Variants in COL4A1 observed in about 807,000 individuals in gnomAD.
The protein encoded by COL4A1 is collagen type IV alpha 1 chain, also known as collagen alpha-1(IV) chain.
A neutral mutation model predicts 216.6 loss-of-function variants in COL4A1; 40 were observed. The ratio of observed to expected loss-of-function variants is 0.18; its 90% CI spans 0.14 to 0.24. The LOEUF (loss-of-function observed/expected upper bound fraction) is 0.24. COL4A1 is among the 10% of genes least tolerant of loss of function. COL4A1 has a pLI of 1.00. For missense variants in COL4A1, 1,628 were observed against 2,196.8 expected (o/e 0.74, Z 5.18); for synonymous variants, 839 against 810.7 (o/e 1.03, Z -0.59).
intron 43 of COL4A1, among the ~76,000 whole-genome samples, chr13:110,168,801 T>C (rs1275475396): frequency 1.3e-5 from 2 of 152,212 alleles, no homozygotes; most frequent in African/African-American, 4.8e-5. Flanking sequence ...TCCCCTGATA[T>C]ACTCTCTCTT....
At chr13:110,220,207 G>A (rs1186570085) in intron 2 of COL4A1, among the ~76,000 whole-genome samples, 3 of 152,008 alleles carry the variant, frequency 2.0e-5, no homozygotes. Flanking sequence ...TAAAGTGCTG[G>A]AATTACAGGC....
chr13:110,223,212 T>C (rs547336471), intron 2 of COL4A1, among the ~76,000 whole-genome samples: 24 of 152,252 alleles, frequency 1.6e-4, no homozygotes, highest in South Asian at 6.2e-4. Context: ...ATGCATAAAA[T>C]AGATACAAAT....
At position 110,292,944 on chromosome 13, in the gene COL4A1, T is replaced by C. The variant is rs1180666076; in HGVS notation, c.84+14000A>G. ...CTGTGTCACTTAACAGCCAAAGATA[T>C]CACGCCTCAAATTCATAAGTAGATT... On this transcript the variant is annotated intron_variant, in intron 1 of 51. Transcript: ENST00000375820. 4.6e-5 allele frequency among the ~76,000 whole-genome samples: 7 copies of C among 152,194 alleles called. 1 individual carries two copies. Among genetic ancestry groups the C allele is most frequent in the Admixed American group, 3.9e-4 (6 of 15,272 alleles).
rs377239334 is a variant in COL4A1 at position 110,228,336 on chromosome 13, C to A, written c.145-14321G>T. Among the ~76,000 whole-genome samples the A allele has an allele frequency of 2.3e-3, 345 of 152,198 alleles. 1 individual carries two copies. Among genetic ancestry groups the A allele is most frequent in the African/African-American group, 7.3e-3 (305 of 41,526 alleles). On this transcript the variant is annotated intron_variant, in intron 2 of 51. Transcript: ENST00000375820. ...GGGTGAAGCAGATTCCTTTAAAAAT[C>A]CAATTTTGAAGGGCACATACTGAGT... is the stretch of plus-strand genomic sequence containing the variant.
chr13:110,205,536 G>A lies in COL4A1; in HGVS notation c.861C>T (p.Gly287=), dbSNP rs1566373209. ...KGEPGKPGPR[G]KPGKDGDKGE... is the part of the protein sequence containing the mutation. ...CTTTGTCACCATCTTTTCCGGGTTT[G>A]CCCTGTAGAATAAAGATGTAAACGT... The change falls in exon 16 of 52, where the codon GGC becomes GGT. Residue 287 remains glycine, a splice_region_variant and synonymous_variant. Transcript: ENST00000375820. The A allele has an allele frequency of 3.1e-6, 5 of 1,610,296 alleles. No individual in the cohort carries two copies. Among genetic ancestry groups the A allele is most frequent in the Non-Finnish European group, 4.2e-6 (5 of 1,179,802 alleles).
intron 2 of COL4A1, among the ~76,000 whole-genome samples, chr13:110,235,749 C>A (rs890523816): frequency 2.0e-5 from 3 of 151,364 alleles, no homozygotes; most frequent in African/African-American, 7.3e-5. Context: ...CAAATATATT[C>A]TACACAGATA....
intron 1 of COL4A1, among the ~76,000 whole-genome samples, chr13:110,251,709 C>T (rs1012906038): frequency 2.6e-5 from 4 of 152,128 alleles, no homozygotes; most frequent in Admixed American, 6.5e-5. Flanking sequence ...GAGGGAAAGA[C>T]GGCGAGAACA....
rs746699679 is a variant in COL4A1, at chr13:110,163,611, T to C, written c.4151-50A>G. The C allele has an allele frequency of 6.7e-6, 10 of 1,495,258 alleles. No homozygotes were observed. The Admixed American group carries it at 1.3e-4, about 19-fold the overall frequency. 92.6% of individuals were successfully genotyped at this position (1,495,258 alleles called of 1,614,324 possible). A position where few individuals can be genotyped will look rare whatever the true frequency, so the allele number is the denominator to read the frequency against. On this transcript the variant is annotated intron_variant, in intron 46 of 51. Transcript: ENST00000375820. ...TGATCCTGTATGGCAGTAAGCTGTA[T>C]CTCTTTCTTCCCTTCTTAAATGTCC...
At chr13:110,213,671 AGAG>A in intron 4 of COL4A1, 108 bp downstream of exon 4, 1 of 1,082,024 alleles carries the variant, frequency 9.2e-7, no homozygotes, top group South Asian at 1.3e-5. Flanking sequence ...GTGAGCTGGG[AGAG>A]GAGATGGAGG....
intron 2 of COL4A1, among the ~76,000 whole-genome samples, chr13:110,218,028 C>T (rs952720470): frequency 6.6e-6 from 1 of 152,190 alleles, no homozygotes; most frequent in South Asian, 2.1e-4. Flanking sequence ...AAAGCAAATA[C>T]TCTAATAAGC....
In COL4A1 at chr13:110,170,673, T is replaced by G; in HGVS notation, c.3616A>C (p.Lys1206Gln). The G allele has an allele frequency of 6.2e-7, 1 of 1,614,174 alleles. No individual in the cohort carries two copies. Among genetic ancestry groups the G allele is most frequent in the South Asian group, 1.1e-5 (1 of 91,068 alleles). The change falls in exon 42 of 52, where the codon AAA becomes CAA. Residue 1206 changes from lysine (K) to glutamine (Q), a missense_variant. Physicochemically the swap from Lys to Gln is moderately conservative, Grantham distance 53 (BLOSUM62 1). Transcript: ENST00000375820. Reference sequence around the variant, plus strand: ...GGACCCATGAATCCTTGCTCTCCTTTGGATCCAGGAATTCCTGGGCTCCCG... The same window carrying G: ...GGACCCATGAATCCTTGCTCTCCTTGGGATCCAGGAATTCCTGGGCTCCCG... Reference protein sequence around the residue: ...LAGSPGIPGSKGEQGFMGPPG... With the variant: ...LAGSPGIPGSQGEQGFMGPPG...
intron 24 of COL4A1, among the ~76,000 whole-genome samples, chr13:110,189,283 G>A (rs756028194): frequency 1.3e-5 from 2 of 152,170 alleles, no homozygotes; most frequent in African/African-American, 4.8e-5. Context: ...GGCCGGTCTC[G>A]AACTCCCGAC....
At chr13:110,209,918 T>C in intron 10 of COL4A1, 62 bp downstream of exon 10, 1 of 1,552,112 alleles carries the variant, frequency 6.4e-7, no homozygotes, top group Non-Finnish European at 8.9e-7. Flanking sequence ...TTATTTATTT[T>C]CAAACCTCAA....
intron 2 of COL4A1, among the ~76,000 whole-genome samples, chr13:110,241,595 A>G (rs1190926991): frequency 6.6e-6 from 1 of 152,244 alleles, no homozygotes; most frequent in Non-Finnish European, 1.5e-5. Context: ...AGAGCAGAGC[A>G]TGAAGATAAA....
intron 2 of COL4A1, among the ~76,000 whole-genome samples, chr13:110,216,122 G>A (rs564398690): frequency 3.3e-5 from 5 of 152,198 alleles, no homozygotes; most frequent in Non-Finnish European, 5.9e-5. Flanking sequence ...CCAGGGAGTC[G>A]GCCAGAAGCA....
rs568301208 is a variant in COL4A1, at chr13:110,183,455, A to G, written c.1898-179T>C. Among the ~76,000 whole-genome samples the G allele has an allele frequency of 8.5e-5, 13 of 152,296 alleles. No homozygotes were observed. In the East Asian group the frequency reaches 2.5e-3, roughly 29 times the overall value. ...CCTTGGTGTTTCTAGGATCTTTCAC[A>G]GAGAGCTACGCTTCTCCCCATGCGT... On this transcript the variant is annotated intron_variant, in intron 26 of 51. Coordinates refer to ENST00000375820, the MANE Select transcript of COL4A1 (RefSeq NM_001845.6).
At chr13:110,206,553 A>G in intron 15 of COL4A1, 112 bp downstream of exon 15, 1 of 1,233,494 alleles carries the variant, frequency 8.1e-7, no homozygotes. Context: ...CATGAAAGGG[A>G]TAAACTAGAA....
intron 48 of COL4A1, chr13:110,161,933 T>C (rs962907798): frequency 4.4e-6 from 2 of 454,244 alleles, no homozygotes; most frequent in Non-Finnish European, 8.1e-6. Flanking sequence ...GGAATCTTGA[T>C]CCTACTTGAT....
At chr13:110,247,073 T>G (rs999682913) in intron 1 of COL4A1, among the ~76,000 whole-genome samples, 7 of 152,230 alleles carry the variant, frequency 4.6e-5, no homozygotes, top group Middle Eastern at 3.4e-3. Flanking sequence ...TAGAAAGCTC[T>G]TGGGGTTGGG....
Sources: gnomAD v4.1 joint callset for allele counts (sites outside exome capture counted in the v4.1 genomes callset) on GRCh38, gnomAD v4.1.1 for gene constraint, MANE v1.5 for transcripts, NCBI Gene and HGNC (gene_info 2026-07-23, HGNC 2026-07-21) for gene names.